The following CLIP1 variants were observed in gnomAD, a reference collection of about 807,000 sequenced individuals.
CLIP1 encodes the protein CAP-Gly domain containing linker protein 1, also known as CAP-Gly domain-containing linker protein 1.
In CLIP1, 66 loss-of-function variants were observed where a neutral mutation model predicts 161.6. The observed-to-expected ratio is 0.41, with a 90% CI of 0.33 to 0.50. CLIP1 has a LOEUF of 0.50. CLIP1 is among the 20% of genes least tolerant of loss of function. The pLI is 0.27. For missense variants in CLIP1, 1,376 were observed against 1,702.0 expected, an observed-to-expected ratio of 0.81 and a Z score of 3.37; for synonymous variants, 598 against 626.2, an observed-to-expected ratio of 0.96 and a Z score of 0.67.
At position 122,341,717 on chromosome 12, in the gene CLIP1, G is replaced by C. The variant is rs878927637; in HGVS notation, c.1507-20C>G. The C allele has an allele frequency of 6.9e-6, 6 of 869,472 alleles. No individual in the cohort carries two copies. Among genetic ancestry groups the C allele is most frequent in the Non-Finnish European group, 8.8e-6 (6 of 685,242 alleles). 53.9% of individuals were successfully genotyped at this position (869,472 alleles called of 1,614,324 possible). A position where few individuals can be genotyped will look rare whatever the true frequency, so the allele number is the denominator to read the frequency against. ...AGCCACCTATTAACAGCAGTCCAAA[G>C]AAAAAAAGATCATTTAAATAACAAG... On this transcript the variant is annotated intron_variant, in intron 10 of 25. Transcript: ENST00000620786.
At chr12:122,290,677 CAA>C (rs1956062881) in intron 20 of CLIP1, among the ~76,000 whole-genome samples, 1 of 152,006 alleles carries the variant, frequency 6.6e-6, no homozygotes. Context: ...TACAAAAACA[CAA>C]TACGCAAAGA....
Position 122,333,901 on chromosome 12 carries a change from A to C in CLIP1, c.2710+126T>G, listed in dbSNP as rs543484039. On this transcript the variant is annotated intron_variant, in intron 14 of 25. Coordinates refer to ENST00000620786, the MANE Select transcript of CLIP1 (RefSeq NM_001247997.2). Reference sequence around the variant, plus strand: ...CAAACAAGTATTTCATCACATTGTTATATCACCATGATGAGTGAAGAGGCT... The same window carrying C: ...CAAACAAGTATTTCATCACATTGTTCTATCACCATGATGAGTGAAGAGGCT... The C allele has an allele frequency of 1.8e-4, 111 of 614,998 alleles. 1 individual carries two copies. The highest frequency in any genetic ancestry group is 2.9e-4 in the Non-Finnish European group (98 of 342,916). 38.1% of individuals were successfully genotyped at this position (614,998 alleles called of 1,614,324 possible). A position where few individuals can be genotyped will look rare whatever the true frequency, so the allele number is the denominator to read the frequency against.
Position 122,278,217 on chromosome 12 carries a change from A to AAG in CLIP1, c.3917-15_3917-14insCT. The AAG allele has an allele frequency of 8.9e-6, 7 of 786,640 alleles. No homozygotes were observed. The highest frequency in any genetic ancestry group is 1.2e-5 in the Non-Finnish European group (7 of 592,292). 48.7% of individuals were successfully genotyped at this position (786,640 alleles called of 1,614,324 possible). A position where few individuals can be genotyped will look rare whatever the true frequency, so the allele number is the denominator to read the frequency against. On this transcript the variant is annotated splice_polypyrimidine_tract_variant and intron_variant, in intron 23 of 25. Coordinates refer to ENST00000620786, the MANE Select transcript of CLIP1 (RefSeq NM_001247997.2). ...TGTCTGTATTACCTTATATTTGAGG[A>AAG]AAAAAAAAAAAAAACAAGTGGAGGG... is the stretch of plus-strand genomic sequence containing the variant.
intron 20 of CLIP1, among the ~76,000 whole-genome samples, chr12:122,305,043 A>T (rs1228120749): frequency 6.6e-6 from 1 of 152,216 alleles, no homozygotes; most frequent in Non-Finnish European, 1.5e-5. Flanking sequence ...TTCATGAAAT[A>T]CAGTTATTGA....
At chr12:122,375,870 T>C (rs564366486) in intron 3 of CLIP1, among the ~76,000 whole-genome samples, 101 of 151,496 alleles carry the variant, frequency 6.7e-4, no homozygotes, top group African/African-American at 2.3e-3. Context: ...CATAGTTCCC[T>C]GCAGCTTCCA....
At chr12:122,382,269 G>A (rs988200834) in intron 1 of CLIP1, among the ~76,000 whole-genome samples, 4 of 148,146 alleles carry the variant, frequency 2.7e-5, no homozygotes, top group Non-Finnish European at 4.4e-5. Context: ...GCTGCAGCAG[G>A]AGAACTGCTT....
At chr12:122,411,655 A>T (rs1283738681) in intron 1 of CLIP1, among the ~76,000 whole-genome samples, 1 of 152,204 alleles carries the variant, frequency 6.6e-6, no homozygotes, top group Non-Finnish European at 1.5e-5. Flanking sequence ...ATAATGTATG[A>T]TTCCCTTTAT....
intron 5 of CLIP1, chr12:122,356,069 G>C (rs1029445832): frequency 1.9e-4 from 29 of 152,314 alleles, no homozygotes; most frequent in African/African-American, 5.8e-4. Context: ...GGCAACTTGA[G>C]AACTACAAAA....
intron 21 of CLIP1, among the ~76,000 whole-genome samples, chr12:122,285,828 G>C (rs118163401): frequency 6.6e-6 from 1 of 151,240 alleles, no homozygotes; most frequent in Non-Finnish European, 1.5e-5. Context: ...ATTTTTTCAC[G>C]TGTCCTTGAT....
intron 6 of CLIP1, 80 bp from the exon 7 acceptor site, chr12:122,354,636 G>C (rs986119228): frequency 2.7e-6 from 3 of 1,115,850 alleles, no homozygotes; most frequent in African/African-American, 1.5e-5. Flanking sequence ...AAAGAGCTGT[G>C]GGTCACCATG....
In CLIP1 at chr12:122,354,561, G is replaced by A. The variant is rs1303993735; in HGVS notation, c.1204-5C>T. 22 of 1,609,978 alleles carry A rather than the reference G, an allele frequency of 1.4e-5. No homozygotes were observed. Among genetic ancestry groups the A allele is most frequent in the Non-Finnish European group, 1.8e-5 (21 of 1,176,726 alleles). ...GGCTTCCAATTCCAGGACATGCTGGGGAAGGCAAGAATGTCGGTAAATGGA... is the reference window on the plus strand; with the variant it reads ...GGCTTCCAATTCCAGGACATGCTGGAGAAGGCAAGAATGTCGGTAAATGGA... On this transcript the variant is annotated splice_region_variant and splice_polypyrimidine_tract_variant and intron_variant, in intron 6 of 25. Coordinates refer to ENST00000620786, the MANE Select transcript of CLIP1 (RefSeq NM_001247997.2).
chr12:122,289,607 A>C (rs768054224), intron 20 of CLIP1, among the ~76,000 whole-genome samples: 4 of 152,142 alleles, frequency 2.6e-5, no homozygotes, highest in African/African-American at 4.8e-5. Context: ...AGTATATTCA[A>C]GCATTATTCA....
Position 122,272,716 on chromosome 12 carries a change from T to C in CLIP1, c.*159A>G, listed in dbSNP as rs1955224323. 3.1e-6 allele frequency: 2 copies of C among 647,144 alleles called. No homozygotes were observed. The highest frequency in any genetic ancestry group is 5.4e-5 in the Admixed American group (2 of 36,822). 40.1% of individuals were successfully genotyped at this position (647,144 alleles called of 1,614,324 possible). On this transcript the variant is annotated 3_prime_UTR_variant, in exon 26 of 26. Coordinates refer to ENST00000620786, the MANE Select transcript of CLIP1 (RefSeq NM_001247997.2). ...ATTATTCTAACTCATACGGGGAGAC[T>C]AAAGGGCAATTTGTTGAAGATCAAA...
chr12:122,335,560 A>G (rs1212038347), intron 12 of CLIP1, among the ~76,000 whole-genome samples: 2 of 152,112 alleles, frequency 1.3e-5, no homozygotes, highest in African/African-American at 4.8e-5. Context: ...TAATCCCAGC[A>G]CTTTGGGAGG....
At chr12:122,321,306 C>T (rs1438418539) in intron 17 of CLIP1, among the ~76,000 whole-genome samples, 2 of 150,904 alleles carry the variant, frequency 1.3e-5, no homozygotes, top group Non-Finnish European at 1.5e-5. Flanking sequence ...AGTGCAATGG[C>T]GCAAGCTCGG....
In CLIP1 at chr12:122,272,701, C is replaced by T. The variant is rs1350195493; in HGVS notation, c.*174G>A. On this transcript the variant is annotated 3_prime_UTR_variant, in exon 26 of 26. Coordinates refer to ENST00000620786, the MANE Select transcript of CLIP1 (RefSeq NM_001247997.2). ...ACCTACTAAATATTTATTATTCTAA[C>T]TCATACGGGGAGACTAAAGGGCAAT... 1 of 603,600 alleles carries T rather than the reference C, an allele frequency of 1.7e-6. No homozygotes were observed. Among genetic ancestry groups the T allele is most frequent in the Non-Finnish European group, 3.0e-6 (1 of 337,030 alleles). 37.4% of individuals were successfully genotyped at this position (603,600 alleles called of 1,614,324 possible). A position where few individuals can be genotyped will look rare whatever the true frequency, so the allele number is the denominator to read the frequency against.
intron 5 of CLIP1, 173 bp downstream of exon 5, chr12:122,360,786 C>A (rs776458629): frequency 1.2e-5 from 7 of 565,048 alleles, no homozygotes; most frequent in Non-Finnish European, 2.1e-5. Context: ...AAAACGCATT[C>A]TTGCTGGAGT....
intron 24 of CLIP1, chr12:122,274,499 G>T: frequency 1.3e-5 from 2 of 159,324 alleles, no homozygotes; most frequent in Admixed American, 6.2e-5. Context: ...TTCATTGAAT[G>T]TTTCTAGGTA....
chr12:122,291,482 G>A (rs1180808837), intron 20 of CLIP1, among the ~76,000 whole-genome samples: 2 of 152,140 alleles, frequency 1.3e-5, no homozygotes, highest in Non-Finnish European at 2.9e-5. Context: ...GAGCTATCAC[G>A]CCCGGCCAGT....
Sources: gnomAD v4.1 joint callset for allele counts (sites outside exome capture counted in the v4.1 genomes callset) on GRCh38, gnomAD v4.1.1 for gene constraint, MANE v1.5 for transcripts, NCBI Gene and HGNC (gene_info 2026-07-23, HGNC 2026-07-21) for gene names.